RAD51B: variants seen among roughly 807,000 people sequenced by gnomAD.
The protein encoded by RAD51B is RAD51 paralog B, also known as DNA repair protein RAD51 homolog 2.
Under a neutral mutation model 42.2 loss-of-function variants are expected in RAD51B, and 38 were observed. The observed-to-expected ratio is 0.90, with a 90% confidence interval of 0.70 to 1.18. The LOEUF (loss-of-function observed/expected upper bound fraction) is 1.18. Ranked by LOEUF, RAD51B falls within the 50% of genes most tolerant of loss-of-function variation. RAD51B has a pLI of 0.00. For synonymous variants in RAD51B, 154 were observed against 145.2 expected (o/e 1.06, Z -0.43); for missense variants, 373 against 400.7 (o/e 0.93, Z 0.59).
intron 7 of RAD51B, among the ~76,000 whole-genome samples, chr14:68,262,314 A>G (rs566673665): frequency 9.9e-5 from 15 of 152,194 alleles, no homozygotes; most frequent in African/African-American, 3.6e-4. Context: ...GGGACCTGAG[A>G]TATTGGCATG....
chr14:67,825,033 G>T (rs931031846), intron 2 of RAD51B, among the ~76,000 whole-genome samples: 1 of 134,030 alleles, frequency 7.5e-6, no homozygotes, highest in African/African-American at 2.8e-5. Context: ...AGCCGAGATC[G>T]TGCCACTGCA....
intron 7 of RAD51B, among the ~76,000 whole-genome samples, chr14:68,191,787 A>G (rs1442459201): frequency 6.6e-6 from 1 of 152,180 alleles, no homozygotes; most frequent in African/African-American, 2.4e-5. Context: ...TGTGTCATTA[A>G]TCACTTGAGA....
chr14:67,892,793 G>C (rs1272461008), intron 7 of RAD51B, among the ~76,000 whole-genome samples: 1 of 152,204 alleles, frequency 6.6e-6, no homozygotes, highest in Non-Finnish European at 1.5e-5. Flanking sequence ...CAATAGAAAT[G>C]CTGGACATTA....
intron 7 of RAD51B, among the ~76,000 whole-genome samples, chr14:68,211,607 A>G (rs1294944860): frequency 2.0e-5 from 3 of 152,234 alleles, no homozygotes; most frequent in Non-Finnish European, 2.9e-5. Flanking sequence ...TTACTCAACA[A>G]CTTGGTTGGG....
At chr14:68,312,413 G>A (rs146613202) in intron 8 of RAD51B, among the ~76,000 whole-genome samples, 18 of 152,332 alleles carry the variant, frequency 1.2e-4, no homozygotes, top group African/African-American at 3.4e-4. Flanking sequence ...TACTCATCCA[G>A]TTATTAAGAC....
At chr14:68,417,196 C>G (rs1447044850) in intron 9 of RAD51B, among the ~76,000 whole-genome samples, 3 of 152,130 alleles carry the variant, frequency 2.0e-5, no homozygotes, top group Non-Finnish European at 4.4e-5. Flanking sequence ...TGGCATGGTT[C>G]CAGGTCGCTG....
In RAD51B at chr14:68,401,891, C is replaced by T. The variant is rs369394435; in HGVS notation, c.854-9533C>T. On this transcript the variant is annotated intron_variant, in intron 8 of 10. Coordinates refer to ENST00000471583, the MANE Select transcript of RAD51B (RefSeq NM_133510.4). Reference sequence around the variant, plus strand: ...ATCTAAAATGGTAGCACAAATACTGCGGTTGCTTACTTAATAGATAGCGTG... The same window carrying T: ...ATCTAAAATGGTAGCACAAATACTGTGGTTGCTTACTTAATAGATAGCGTG... 3.9e-5 allele frequency among the ~76,000 whole-genome samples: 6 copies of T among 152,216 alleles called. No homozygotes were observed. In the East Asian group the frequency reaches 7.7e-4, roughly 20 times the overall value.
intron 7 of RAD51B, among the ~76,000 whole-genome samples, chr14:68,044,085 C>G (rs1246465200): frequency 6.6e-6 from 1 of 152,222 alleles, no homozygotes; most frequent in Non-Finnish European, 1.5e-5. Flanking sequence ...TGTCAGCTTC[C>G]TATTGTTTGT....
intron 9 of RAD51B, among the ~76,000 whole-genome samples, chr14:68,425,936 T>TTTCTTTC (rs1555407997): frequency 1.4e-5 from 1 of 73,880 alleles, no homozygotes; most frequent in African/African-American, 4.3e-5. Context: ...AGGCCATTCT[T>TTTCTTTC]TTTCTTTCTT....
intron 7 of RAD51B, among the ~76,000 whole-genome samples, chr14:67,987,132 C>T (rs1243502724): frequency 1.3e-5 from 2 of 152,090 alleles, no homozygotes; most frequent in Non-Finnish European, 2.9e-5. Flanking sequence ...GTAATAATCA[C>T]GTCATGGAGA....
intron 7 of RAD51B, among the ~76,000 whole-genome samples, chr14:68,260,155 G>A (rs958820056): frequency 6.6e-6 from 1 of 152,076 alleles, no homozygotes; most frequent in Non-Finnish European, 1.5e-5. Context: ...TGAGACCTAA[G>A]TCATGAGAAG....
intron 8 of RAD51B, among the ~76,000 whole-genome samples, chr14:68,322,414 A>G (rs887789820): frequency 2.0e-5 from 3 of 152,080 alleles, no homozygotes; most frequent in Admixed American, 2.0e-4. Flanking sequence ...TCCCTTCCAC[A>G]TGTTTCAGTT....
Position 68,425,963 on chromosome 14 carries a change from TCTTTCTTTCTTTCTTC to T in RAD51B, c.957+14440_957+14455del, listed in dbSNP as rs1274268078. On this transcript the variant is annotated intron_variant, in intron 9 of 10. Coordinates refer to ENST00000471583, the MANE Select transcript of RAD51B (RefSeq NM_133510.4). ...TTCTTTCTTTCTTTCTTTCTTTCTTTCTTTCTTTCTTTCTTCCTTCCTTCCTTCCTTCCTTCCTTCC... is the reference window on the plus strand; with the variant it reads ...TTCTTTCTTTCTTTCTTTCTTTCTTTCTTCCTTCCTTCCTTCCTTCCTTCC... Among the ~76,000 whole-genome samples, 754 of 116,268 alleles carry T rather than the reference TCTTTCTTTCTTTCTTC, an allele frequency of 6.5e-3. 7 individuals are homozygous for T. Among genetic ancestry groups the T allele is most frequent in the African/African-American group, 0.024 (702 of 29,560 alleles). The allele number at this position is 116,268 out of a possible 152,430, so 76.3% of individuals were successfully genotyped here. A position where few individuals can be genotyped will look rare whatever the true frequency, so the allele number is the denominator to read the frequency against.
At chr14:68,630,373 C>G (rs1892198546) in intron 10 of RAD51B, among the ~76,000 whole-genome samples, 1 of 152,076 alleles carries the variant, frequency 6.6e-6, no homozygotes, top group Non-Finnish European at 1.5e-5. Flanking sequence ...CTTTCTCCCC[C>G]ACTAGTCCCC....
chr14:67,999,809 A>G (rs572122912), intron 7 of RAD51B, among the ~76,000 whole-genome samples: 2 of 152,188 alleles, frequency 1.3e-5, no homozygotes, highest in Non-Finnish European at 2.9e-5. Flanking sequence ...CAGGGAGGAA[A>G]TGATATTTAA....
chr14:68,330,437 A>G (rs2082325664), intron 8 of RAD51B, among the ~76,000 whole-genome samples: 1 of 152,212 alleles, frequency 6.6e-6, no homozygotes, highest in Non-Finnish European at 1.5e-5. Context: ...TCAAGCAAAT[A>G]GGATTCTTGT....
At chr14:68,259,099 ATG>A (rs1363537773) in intron 7 of RAD51B, among the ~76,000 whole-genome samples, 1 of 152,224 alleles carries the variant, frequency 6.6e-6, no homozygotes, top group Non-Finnish European at 1.5e-5. Flanking sequence ...TTTGTGAGAC[ATG>A]TCAGTGATTG....
intron 7 of RAD51B, among the ~76,000 whole-genome samples, chr14:68,123,191 C>CTTTTTTTTT (rs541886088): frequency 1.9e-4 from 24 of 125,444 alleles, no homozygotes; most frequent in East Asian, 6.7e-4. Context: ...TTCTTTCTTT[C>CTTTTTTTTT]TTTTTTTTTT....
intron 10 of RAD51B, among the ~76,000 whole-genome samples, chr14:68,580,141 G>A (rs1382919938): frequency 3.3e-5 from 5 of 152,172 alleles, no homozygotes; most frequent in Non-Finnish European, 7.4e-5. Context: ...ATTATCCCAG[G>A]ACAAAACAGG....
Sources: allele counts gnomAD v4.1 joint callset (sites outside exome capture counted in the v4.1 genomes callset), GRCh38; gene constraint gnomAD v4.1.1; transcripts MANE v1.5; gene names NCBI Gene and HGNC (gene_info 2026-07-23, HGNC 2026-07-21).